The following HPCAL1 variants were observed in gnomAD, a reference collection of about 807,000 sequenced individuals.
The protein encoded by HPCAL1 is hippocalcin-like protein 1.
HPCAL1 carries 8 observed loss-of-function variants against 17.1 expected under a neutral mutation model. The observed-to-expected ratio is 0.47, with a 90% CI of 0.27 to 0.84. HPCAL1 has a LOEUF of 0.84. HPCAL1 is among the 40% of genes least tolerant of loss of function. HPCAL1 has a pLI of 0.13. For synonymous variants in HPCAL1, 112 were observed against 111.4 expected (o/e 1.01, Z -0.03); for missense variants, 165 against 271.1 (o/e 0.61, Z 2.75).
intron 1 of HPCAL1, among the ~76,000 whole-genome samples, chr2:10,358,137 G>A (rs548763277): frequency 2.0e-5 from 3 of 152,372 alleles, no homozygotes; most frequent in Admixed American, 6.5e-5. Flanking sequence ...GGCTAAAATC[G>A]TGGCCGATGG....
Position 10,304,071 on chromosome 2 carries a change from G to A in HPCAL1, c.-111+894G>A, listed in dbSNP as rs1301000839. The A allele has an allele frequency of 6.6e-6, 1 of 152,128 alleles. No individual in the cohort carries two copies. Among genetic ancestry groups the A allele is most frequent in the Non-Finnish European group, 1.5e-5 (1 of 68,024 alleles). 9.4% of individuals were successfully genotyped at this position (152,128 alleles called of 1,614,324 possible). On this transcript the variant is annotated intron_variant, in intron 1 of 4. Transcript: ENST00000307845. The surrounding 1 kb of genome is among the most constrained non-coding windows in gnomAD (Gnocchi z 4.1). ...CTCTCCCTGGCCCTAACTTAACCGC[G>A]AAGCACTGAGATTCGAGAAAGTTTA...
rs895887283 is a variant in HPCAL1, at chr2:10,424,169, C to T, written c.484+1081C>T. 1.1e-5 allele frequency: 3 copies of T among 270,590 alleles called. No homozygotes were observed. In the South Asian group the frequency reaches 1.2e-4, roughly 10 times the overall value. 16.8% of individuals were successfully genotyped at this position (270,590 alleles called of 1,614,324 possible). On this transcript the variant is annotated intron_variant, in intron 4 of 4. Transcript: ENST00000307845. ...AGCTAATGCCCAAGAAGCTGCTCTG[C>T]GAAGTCTGGAGTGCAGCCCTCGGGT...
chr2:10,374,422 G>T (rs1667419304), intron 1 of HPCAL1, among the ~76,000 whole-genome samples: 1 of 152,160 alleles, frequency 6.6e-6, no homozygotes, highest in Non-Finnish European at 1.5e-5. Context: ...ACAAGATTTT[G>T]TGTTGACCAT....
intron 1 of HPCAL1, among the ~76,000 whole-genome samples, chr2:10,311,777 C>G (rs749781361): frequency 3.3e-5 from 5 of 152,114 alleles, no homozygotes; most frequent in Non-Finnish European, 7.4e-5. Flanking sequence ...TTATCATTAT[C>G]ACTATCATAT....
intron 2 of HPCAL1, among the ~76,000 whole-genome samples, chr2:10,411,207 GCACCC>G (rs1670331865): frequency 6.6e-6 from 1 of 152,210 alleles, no homozygotes; most frequent in Non-Finnish European, 1.5e-5. Flanking sequence ...CCAGCCAGGA[GCACCC>G]TGGGTGGCCT....
chr2:10,332,620 G>A (rs956230494), intron 1 of HPCAL1, among the ~76,000 whole-genome samples: 2 of 152,196 alleles, frequency 1.3e-5, no homozygotes, highest in South Asian at 2.1e-4. Flanking sequence ...AGCTTTATTC[G>A]AGGAAAATGC....
chr2:10,402,619 C>T (rs1469262640), intron 2 of HPCAL1, among the ~76,000 whole-genome samples: 8 of 152,134 alleles, frequency 5.3e-5, no homozygotes. Context: ...GCGTTTCAGC[C>T]GGGCTGAGGC....
chr2:10,416,236 A>G (rs1258445208), intron 2 of HPCAL1, among the ~76,000 whole-genome samples: 2 of 152,218 alleles, frequency 1.3e-5, no homozygotes, highest in East Asian at 1.9e-4. Flanking sequence ...TAGGACTTCA[A>G]CATCTTTTAG....
At chr2:10,373,426 T>G (rs1667352850) in intron 1 of HPCAL1, among the ~76,000 whole-genome samples, 1 of 152,082 alleles carries the variant, frequency 6.6e-6, no homozygotes. Flanking sequence ...ATCGGCATCA[T>G]CAGATCATCC....
chr2:10,361,188 G>T (rs567919185), intron 1 of HPCAL1, among the ~76,000 whole-genome samples: 11 of 150,612 alleles, frequency 7.3e-5, no homozygotes, highest in African/African-American at 2.7e-4. Flanking sequence ...GTGGGCTCCT[G>T]GGTGGGTGGT....
intron 2 of HPCAL1, among the ~76,000 whole-genome samples, chr2:10,417,878 C>CAA (rs1267172447): frequency 1.1e-4 from 15 of 134,392 alleles, no homozygotes; most frequent in African/African-American, 3.0e-4. Flanking sequence ...CCTGTTTCTA[C>CAA]AAAAAAAAAA....
At chr2:10,321,067 G>A (rs1298574635) in intron 1 of HPCAL1, among the ~76,000 whole-genome samples, 2 of 152,112 alleles carry the variant, frequency 1.3e-5, no homozygotes, top group Non-Finnish European at 1.5e-5. Context: ...ATTGTCTCAC[G>A]GTTCTTCAGG....
chr2:10,414,385 G>A (rs925430638), intron 2 of HPCAL1, among the ~76,000 whole-genome samples: 5 of 152,160 alleles, frequency 3.3e-5, no homozygotes, highest in African/African-American at 1.2e-4. Context: ...AGGGTTGGGT[G>A]TTGGCAGGGT....
chr2:10,322,937 C>T (rs1305798213), intron 1 of HPCAL1, among the ~76,000 whole-genome samples: 4 of 152,172 alleles, frequency 2.6e-5, no homozygotes, highest in Non-Finnish European at 5.9e-5. Context: ...TCCCCAAGTC[C>T]CCCAGATAGA....
chr2:10,366,775 G>A (rs558069691), intron 1 of HPCAL1, among the ~76,000 whole-genome samples: 1 of 152,196 alleles, frequency 6.6e-6, no homozygotes, highest in Non-Finnish European at 1.5e-5. Context: ...TCTCCACTAG[G>A]AGCTCTGTGG....
intron 1 of HPCAL1, among the ~76,000 whole-genome samples, chr2:10,375,009 T>C (rs921920898): frequency 6.6e-6 from 1 of 152,128 alleles, no homozygotes; most frequent in African/African-American, 2.4e-5. Context: ...GGAGTAGGCC[T>C]TGGCAGAGAG....
chr2:10,378,221 ATG>A (rs1667704085), intron 1 of HPCAL1, among the ~76,000 whole-genome samples: 1 of 114,338 alleles, frequency 8.7e-6, no homozygotes, highest in African/African-American at 3.5e-5. Context: ...AGGTGGTTTC[ATG>A]TTTTTTTTTT....
Position 10,323,192 on chromosome 2 carries a change from G to A in HPCAL1, c.-111+20015G>A, listed in dbSNP as rs955626671. On this transcript the variant is annotated intron_variant, in intron 1 of 4. Transcript: ENST00000307845. This position sits in a 1 kb window ranked among gnomAD's most constrained non-coding sequence, Gnocchi z 4.6. ...CCGGTTCCCCAGACGCGTTCCCCAC[G>A]GAGTCCCAGCGTGTATGCATGGGGT... Among the ~76,000 whole-genome samples the A allele has an allele frequency of 4.6e-5, 7 of 152,136 alleles. No homozygotes were observed. The highest frequency in any genetic ancestry group is 3.9e-4 in the Admixed American group (6 of 15,268).
At chr2:10,386,659 C>G (rs1314093703) in intron 1 of HPCAL1, among the ~76,000 whole-genome samples, 1 of 152,148 alleles carries the variant, frequency 6.6e-6, no homozygotes, top group Non-Finnish European at 1.5e-5. Flanking sequence ...GAATGCCAAA[C>G]CACAAAGGTC....
Sources: gnomAD v4.1 joint callset for allele counts (sites outside exome capture counted in the v4.1 genomes callset) on GRCh38, gnomAD v4.1.1 for gene constraint, Gnocchi (gnomAD v3.1) non-coding constraint, MANE v1.5 for transcripts, NCBI Gene and HGNC (gene_info 2026-07-23, HGNC 2026-07-21) for gene names.